The following WWP1 variants were observed in gnomAD, a reference collection of about 807,000 sequenced individuals.
WWP1 encodes NEDD4-like E3 ubiquitin-protein ligase WWP1.
WWP1 carries 49 observed loss-of-function variants against 130.6 expected under a neutral mutation model. That is an observed-to-expected ratio of 0.38 (90% CI 0.30 to 0.48). The LOEUF (loss-of-function observed/expected upper bound fraction) is 0.48. Among genes scored for constraint, WWP1 ranks in the 20% least tolerant of loss-of-function variants. The pLI, the probability that WWP1 is intolerant of heterozygous loss-of-function variation, is 0.99. For synonymous variants in WWP1, 332 were observed against 367.8 expected, an observed-to-expected ratio of 0.90 and a Z score of 1.11; for missense variants, 809 against 1,100.6, an observed-to-expected ratio of 0.74 and a Z score of 3.75.
At chr8:86,402,372 G>A (rs927778727) in intron 8 of WWP1, among the ~76,000 whole-genome samples, 169 bp downstream of exon 8, 2 of 152,102 alleles carry the variant, frequency 1.3e-5, no homozygotes, top group African/African-American at 4.8e-5. Context: ...TGCAACCTCT[G>A]CCTCTTGGGT....
intron 14 of WWP1, among the ~76,000 whole-genome samples, chr8:86,433,229 C>CTTTT (rs11321240): frequency 1.3e-4 from 16 of 119,040 alleles, no homozygotes; most frequent in African/African-American, 2.8e-4. Flanking sequence ...TCCTAAGCCT[C>CTTTT]TTTTTTTTTT....
At chr8:86,457,469 A>G (rs1382948455) in intron 21 of WWP1, among the ~76,000 whole-genome samples, 1 of 151,892 alleles carries the variant, frequency 6.6e-6, no homozygotes, top group Non-Finnish European at 1.5e-5. Context: ...ATATAAATCT[A>G]TATATATAGA....
chr8:86,431,760 A>T lies in WWP1; in HGVS notation c.1601+17A>T. The T allele has an allele frequency of 6.2e-7, 1 of 1,612,978 alleles. No individual in the cohort carries two copies. Among genetic ancestry groups the T allele is most frequent in the Non-Finnish European group, 8.5e-7 (1 of 1,179,608 alleles). Reference sequence around the variant, plus strand: ...GTCATCTGTGTGAGTGAAAACCTGAAGTTCTCCTTTAAATATTGCTTAGTG... The same window carrying T: ...GTCATCTGTGTGAGTGAAAACCTGATGTTCTCCTTTAAATATTGCTTAGTG... On this transcript the variant is annotated intron_variant, in intron 14 of 24. Transcript: ENST00000517970.
At chr8:86,391,925 G>A (rs1807368949) in intron 5 of WWP1, among the ~76,000 whole-genome samples, 1 of 152,150 alleles carries the variant, frequency 6.6e-6, no homozygotes, top group African/African-American at 2.4e-5. Context: ...AGGAGACAGA[G>A]GAAGGATTTA....
chr8:86,426,958 C>T lies in WWP1; in HGVS notation c.1158-685C>T, dbSNP rs183024023. 5.6e-3 allele frequency among the ~76,000 whole-genome samples: 854 copies of T among 152,020 alleles called. 11 individuals carry two copies. Among genetic ancestry groups the T allele is most frequent in the African/African-American group, 0.019 (773 of 41,488 alleles). On this transcript the variant is annotated intron_variant, in intron 10 of 24. Coordinates refer to ENST00000517970, the MANE Select transcript of WWP1 (RefSeq NM_007013.4). ...GGAGGATCACCTGAGGTCAGGAGTT[C>T]GAGACCATCCTGGCCAACGTGGTGA...
chr8:86,461,364 A>G, intron 23 of WWP1, 44 bp downstream of exon 23: 2 of 1,514,448 alleles, frequency 1.3e-6, no homozygotes, highest in Non-Finnish European at 1.8e-6. Flanking sequence ...TAATTTTGTG[A>G]TAATAATGGC....
At chr8:86,386,216 G>A (rs1825276022) in intron 5 of WWP1, among the ~76,000 whole-genome samples, 1 of 152,084 alleles carries the variant, frequency 6.6e-6, no homozygotes, top group South Asian at 2.1e-4. Flanking sequence ...TTATACATTT[G>A]TTTAGTGTGT....
chr8:86,368,095 ACCT>A (rs1455748425), intron 1 of WWP1, among the ~76,000 whole-genome samples: 1 of 152,000 alleles, frequency 6.6e-6, no homozygotes, highest in East Asian at 1.9e-4. Flanking sequence ...TGTATATTTA[ACCT>A]CCTTCTCCCA....
intron 21 of WWP1, among the ~76,000 whole-genome samples, chr8:86,453,777 T>C (rs958583160): frequency 2.0e-5 from 3 of 152,140 alleles, no homozygotes; most frequent in Non-Finnish European, 4.4e-5. Flanking sequence ...GGATATCTCA[T>C]TGTGGTTTTG....
At chr8:86,343,680 C>T (rs1215333430) in intron 1 of WWP1, among the ~76,000 whole-genome samples, 2 of 152,074 alleles carry the variant, frequency 1.3e-5, no homozygotes. Flanking sequence ...ATATATGAAA[C>T]CTTCATTACC....
chr8:86,350,538 G>T (rs1822855552), intron 1 of WWP1, among the ~76,000 whole-genome samples: 1 of 152,124 alleles, frequency 6.6e-6, no homozygotes, highest in African/African-American at 2.4e-5. Context: ...GAGGAGTTTG[G>T]TAATTGGATG....
In WWP1 at chr8:86,348,040, C is replaced by G. The variant is rs112779367; in HGVS notation, c.-115+5110C>G. On this transcript the variant is annotated intron_variant, in intron 1 of 24. Transcript: ENST00000517970. Reference sequence around the variant, plus strand: ...CATAAGCTCTACCATTGAAAAAAACCCAAAGATATTAAAAAGCCCTCCTTA... The same window carrying G: ...CATAAGCTCTACCATTGAAAAAAACGCAAAGATATTAAAAAGCCCTCCTTA... 5.8e-3 allele frequency among the ~76,000 whole-genome samples: 881 copies of G among 151,810 alleles called. 5 individuals are homozygous for G. Among genetic ancestry groups the G allele is most frequent in the African/African-American group, 0.02 (821 of 41,366 alleles).
intron 9 of WWP1, 76 bp downstream of exon 9, chr8:86,411,950 T>TA (rs1808612228): frequency 1.5e-6 from 2 of 1,330,606 alleles, no homozygotes; most frequent in Admixed American, 4.9e-5. Context: ...AATGTGTGCA[T>TA]AAAATGTTTT....
rs376176040 is a variant in WWP1, at chr8:86,396,595, TTTC to T, written c.335-1741_335-1739del. 1.2e-4 allele frequency among the ~76,000 whole-genome samples: 18 copies of T among 151,970 alleles called. No homozygotes were observed. The East Asian group carries it at 2.1e-3, about 18-fold the overall frequency. ...TTTTTTTTTTTGCAAAGAATTTCTT[TTTC>T]TTCTTTCTTTTTTCAGACAGGGTCT... On this transcript the variant is annotated intron_variant, in intron 5 of 24. Coordinates refer to ENST00000517970, the MANE Select transcript of WWP1 (RefSeq NM_007013.4).
Position 86,468,052 on chromosome 8 carries a change from G to GT in WWP1, c.*1160dup, listed in dbSNP as rs1374562494. 1.3e-5 allele frequency: 2 copies of GT among 158,668 alleles called. No individual in the cohort carries two copies. Among genetic ancestry groups the GT allele is most frequent in the African/African-American group, 2.4e-5 (1 of 41,472 alleles). 9.8% of individuals were successfully genotyped at this position (158,668 alleles called of 1,614,324 possible). A position where few individuals can be genotyped will look rare whatever the true frequency, so the allele number is the denominator to read the frequency against. ...GGCCTTTGCTGAACTACAAAAATGT[G>GT]TAACAAATTAAAATCTGATGTGAAT... On this transcript the variant is annotated 3_prime_UTR_variant, in exon 25 of 25. Coordinates refer to ENST00000517970, the MANE Select transcript of WWP1 (RefSeq NM_007013.4).
intron 5 of WWP1, chr8:86,387,074 A>T (rs1038291813): frequency 1.3e-5 from 2 of 152,170 alleles, no homozygotes; most frequent in African/African-American, 4.8e-5. Context: ...AAAGACCCTA[A>T]TTTTTAATAC....
intron 3 of WWP1, 81 bp from the exon 4 acceptor site, chr8:86,380,645 A>G (rs1237040940): frequency 7.1e-7 from 1 of 1,403,828 alleles, no homozygotes; most frequent in Non-Finnish European, 9.4e-7. Flanking sequence ...CAAGAAGCAC[A>G]ATTCCATTCT....
chr8:86,413,428 G>A (rs182226752), intron 9 of WWP1, among the ~76,000 whole-genome samples: 44 of 152,282 alleles, frequency 2.9e-4, no homozygotes, highest in Admixed American at 2.0e-3. Flanking sequence ...CCAGCATACA[G>A]TACAATTAAA....
intron 5 of WWP1, among the ~76,000 whole-genome samples, chr8:86,383,285 A>G (rs551466829): frequency 6.6e-6 from 1 of 152,074 alleles, no homozygotes; most frequent in South Asian, 2.1e-4. Context: ...TTATTTAACC[A>G]TATTCCCATT....
Sources: allele counts gnomAD v4.1 joint callset (sites outside exome capture counted in the v4.1 genomes callset), GRCh38; gene constraint gnomAD v4.1.1; transcripts MANE v1.5; gene names NCBI Gene and HGNC (gene_info 2026-07-23, HGNC 2026-07-21).